The following BAZ1A variants were observed in gnomAD, a reference collection of about 807,000 sequenced individuals.
BAZ1A encodes bromodomain adjacent to zinc finger domain protein 1A.
Under a neutral mutation model 185.2 loss-of-function variants are expected in BAZ1A, and 50 were observed. The ratio of observed to expected loss-of-function variants is 0.27; its 90% confidence interval spans 0.22 to 0.34. BAZ1A has a LOEUF of 0.34. Among genes scored for constraint, BAZ1A ranks in the 10% least tolerant of loss-of-function variants. The probability of loss-of-function intolerance (pLI) is 1.00; values close to 1 mark genes in which losing one functional copy is unlikely to be tolerated. For synonymous variants in BAZ1A, 571 were observed against 615.6 expected (o/e 0.93, Z 1.07); for missense variants, 1,356 against 1,839.9 (o/e 0.74, Z 4.81).
chr14:34,755,421 C>T (rs1307537022), intron 25 of BAZ1A, among the ~76,000 whole-genome samples: 3 of 152,138 alleles, frequency 2.0e-5, no homozygotes, highest in African/African-American at 7.2e-5. Flanking sequence ...AGTTGTGTGT[C>T]TGAGACTTTC....
At chr14:34,768,449 G>A (rs545685795) in intron 21 of BAZ1A, among the ~76,000 whole-genome samples, 47 of 152,154 alleles carry the variant, frequency 3.1e-4, no homozygotes, top group Middle Eastern at 3.4e-3. Flanking sequence ...AAGATTCACC[G>A]GTGTCAACTT....
At chr14:34,804,781 A>G (rs1881765637) in intron 6 of BAZ1A, among the ~76,000 whole-genome samples, 1 of 152,262 alleles carries the variant, frequency 6.6e-6, no homozygotes, top group African/African-American at 2.4e-5. Context: ...AATACGTTTT[A>G]GTACATTAAT....
chr14:34,855,109 A>G (rs2042656093), intron 3 of BAZ1A, among the ~76,000 whole-genome samples: 1 of 152,078 alleles, frequency 6.6e-6, no homozygotes, highest in Non-Finnish European at 1.5e-5. Context: ...TAATAATACC[A>G]AGTGTTAAGT....
chr14:34,786,345 C>A (rs966570742), intron 12 of BAZ1A, 124 bp from the exon 13 acceptor site: 4 of 793,318 alleles, frequency 5.0e-6, no homozygotes, highest in East Asian at 2.7e-5. Context: ...AAAGAACAAA[C>A]ACTAGGTACA....
intron 3 of BAZ1A, among the ~76,000 whole-genome samples, chr14:34,829,348 C>T (rs1278200480): frequency 6.7e-6 from 1 of 149,612 alleles, no homozygotes; most frequent in Non-Finnish European, 1.5e-5. Flanking sequence ...GATCCTACAA[C>T]TGCATGCACC....
intron 14 of BAZ1A, among the ~76,000 whole-genome samples, chr14:34,784,797 C>T (rs950755688): frequency 1.3e-5 from 2 of 151,816 alleles, no homozygotes; most frequent in South Asian, 2.1e-4. Flanking sequence ...GGATTACAGG[C>T]GTGAGCCACC....
chr14:34,796,249 G>A (rs1033156066), intron 9 of BAZ1A, among the ~76,000 whole-genome samples: 2 of 152,060 alleles, frequency 1.3e-5, no homozygotes, highest in Non-Finnish European at 2.9e-5. Flanking sequence ...TCAGGAGGCT[G>A]AGGCAGAAGA....
intron 14 of BAZ1A, among the ~76,000 whole-genome samples, chr14:34,784,313 C>T (rs1245375589): frequency 1.6e-5 from 2 of 128,996 alleles, no homozygotes; most frequent in African/African-American, 2.9e-5. Flanking sequence ...GGTTGCGTTG[C>T]GCCAAGATCG....
In BAZ1A at chr14:34,780,235, C is replaced by G; in HGVS notation, c.2187G>C (p.Met729Ile). ...CTGGGTCATCTTCATCTTCAGTGACCATATCTTGATCTAATTCCTTTTGCT... is the reference window on the plus strand; with the variant it reads ...CTGGGTCATCTTCATCTTCAGTGACGATATCTTGATCTAATTCCTTTTGCT... ...DTEQKELDQD[M>I]VTEDEDDPGS... Residue 729 changes from methionine to isoleucine, a missense_variant, in exon 17 of 27, where the codon ATG (methionine) becomes ATC (isoleucine). Physicochemically the swap from Met to Ile is conservative, Grantham distance 10. Coordinates refer to ENST00000360310, the MANE Select transcript of BAZ1A (RefSeq NM_013448.3). 2 of 1,613,556 alleles carry G rather than the reference C, an allele frequency of 1.2e-6. No individual in the cohort carries two copies. Among genetic ancestry groups the G allele is most frequent in the Non-Finnish European group, 1.7e-6 (2 of 1,179,788 alleles).
chr14:34,839,483 G>A (rs984321049), intron 3 of BAZ1A, among the ~76,000 whole-genome samples: 8 of 148,516 alleles, frequency 5.4e-5, no homozygotes, highest in African/African-American at 1.7e-4. Flanking sequence ...AGGCTGAAGT[G>A]AGCTGAGATC....
intron 11 of BAZ1A, among the ~76,000 whole-genome samples, chr14:34,793,547 G>A (rs1594846687): frequency 6.6e-6 from 1 of 152,160 alleles, no homozygotes; most frequent in South Asian, 2.1e-4. Context: ...AGTGGCTCAC[G>A]CCTGTAATCC....
At chr14:34,793,956 GAAAAAAAGAAA>G (rs764487554) in intron 11 of BAZ1A, among the ~76,000 whole-genome samples, 30 of 148,518 alleles carry the variant, frequency 2.0e-4, no homozygotes, top group Admixed American at 7.4e-4. Context: ...AGAAAAAAAA[GAAAAAAAGAAA>G]AAAAAAAGAA....
At chr14:34,853,482 G>A (rs972757649) in intron 3 of BAZ1A, among the ~76,000 whole-genome samples, 3 of 152,104 alleles carry the variant, frequency 2.0e-5, no homozygotes, top group African/African-American at 7.2e-5. Context: ...TACTTGTAAA[G>A]ATGCAAAAAA....
chr14:34,860,846 C>T (rs1057011477), intron 3 of BAZ1A, among the ~76,000 whole-genome samples: 2 of 151,324 alleles, frequency 1.3e-5, no homozygotes, highest in South Asian at 4.2e-4. Context: ...TACAGTGAAC[C>T]GAGATCTTGC....
intron 2 of BAZ1A, among the ~76,000 whole-genome samples, chr14:34,872,005 G>C (rs1594923414): frequency 6.6e-6 from 1 of 152,166 alleles, no homozygotes; most frequent in East Asian, 1.9e-4. Context: ...GTAATCATTT[G>C]CGAGAAACAG....
chr14:34,812,003 G>A (rs774775797), intron 4 of BAZ1A, among the ~76,000 whole-genome samples: 15 of 151,938 alleles, frequency 9.9e-5, no homozygotes, highest in Non-Finnish European at 1.8e-4. Flanking sequence ...TTAAGAGCCC[G>A]CAATATGCCA....
At chr14:34,792,109 C>T (rs567250058) in intron 12 of BAZ1A, among the ~76,000 whole-genome samples, 27 of 152,256 alleles carry the variant, frequency 1.8e-4, no homozygotes, top group Admixed American at 9.2e-4. Flanking sequence ...CCTGGTCAGG[C>T]GCAGTGGTTC....
In BAZ1A at chr14:34,802,864, T is replaced by G; in HGVS notation, c.851A>C (p.His284Pro). 6.2e-7 allele frequency: 1 copy of G among 1,613,056 alleles called. No homozygotes were observed. Among genetic ancestry groups the G allele is most frequent in the Non-Finnish European group, 8.5e-7 (1 of 1,179,324 alleles). ...RRRGRPPKRI[H>P]ISQEDNVANK... ...CAATTCTGTACTTACTTGACTAATA[T>G]GTATTCGTTTGGGAGGTCTCCCTCT... The change falls in exon 7 of 27, where the codon CAT becomes CCT. Residue 284 changes from histidine to proline, a missense_variant. By Grantham distance (77) the His-to-Pro change is moderately conservative. Around this residue, in one of 7 missense-constraint regions of BAZ1A, gnomAD observed 332 missense variants for 395.3 expected, o/e 0.84. Coordinates refer to ENST00000360310, the MANE Select transcript of BAZ1A (RefSeq NM_013448.3).
Position 34,807,681 on chromosome 14 carries a change from T to C in BAZ1A, c.639-143A>G, listed in dbSNP as rs186115327. 6 of 528,790 alleles carry C rather than the reference T, an allele frequency of 1.1e-5. 1 individual carries two copies. The highest frequency in any genetic ancestry group is 9.7e-5 in the African/African-American group (5 of 51,798). 32.8% of individuals were successfully genotyped at this position (528,790 alleles called of 1,614,324 possible). A position where few individuals can be genotyped will look rare whatever the true frequency, so the allele number is the denominator to read the frequency against. ...ACACTTCATCTTCTAACAGTATTTA[T>C]GTAGAAGTTACAAGAAACTTTTACA... is the stretch of plus-strand genomic sequence containing the variant. On this transcript the variant is annotated intron_variant, in intron 5 of 26. Coordinates refer to ENST00000360310, the MANE Select transcript of BAZ1A (RefSeq NM_013448.3).
Sources: gnomAD v4.1 joint callset for allele counts (sites outside exome capture counted in the v4.1 genomes callset) on GRCh38, gnomAD v4.1.1 for gene constraint, gnomAD v4.1.1 regional missense constraint, MANE v1.5 for transcripts, NCBI Gene and HGNC (gene_info 2026-07-23, HGNC 2026-07-21) for gene names.